The following MICU1 variants were observed in gnomAD, a reference collection of about 807,000 sequenced individuals.
MICU1 encodes calcium uptake protein 1, mitochondrial.
MICU1 carries 45 observed loss-of-function variants against 56.8 expected under a neutral mutation model. The ratio of observed to expected loss-of-function variants is 0.79; its 90% CI spans 0.62 to 1.02. MICU1 has a LOEUF of 1.02. Among genes scored for constraint, MICU1 ranks in the 50% least tolerant of loss-of-function variants. The pLI, the probability that MICU1 is intolerant of heterozygous loss-of-function variation, is 0.00. For missense variants in MICU1, 504 were observed against 587.1 expected (o/e 0.86, Z 1.46); for synonymous variants, 186 against 195.1 (o/e 0.95, Z 0.39).
intron 8 of MICU1, among the ~76,000 whole-genome samples, chr10:72,440,452 G>T (rs1205575399): frequency 3.9e-5 from 6 of 152,154 alleles, no homozygotes; most frequent in African/African-American, 1.4e-4. Context: ...AACTCTAGAA[G>T]AAAACCTAGG....
At chr10:72,478,565 G>A (rs567835529) in intron 6 of MICU1, among the ~76,000 whole-genome samples, 1 of 152,266 alleles carries the variant, frequency 6.6e-6, no homozygotes, top group South Asian at 2.1e-4. Flanking sequence ...AAAAAGTTAA[G>A]ATTTTATGCA....
At chr10:72,593,835 A>G (rs1841296678) in intron 1 of MICU1, among the ~76,000 whole-genome samples, 1 of 152,208 alleles carries the variant, frequency 6.6e-6, no homozygotes, top group African/African-American at 2.4e-5. Context: ...AACTTGTACA[A>G]TGAAAACTAC....
intron 6 of MICU1, among the ~76,000 whole-genome samples, chr10:72,503,695 T>G (rs1441138729): frequency 6.6e-6 from 1 of 152,172 alleles, no homozygotes; most frequent in Admixed American, 6.6e-5. Context: ...GACAATATGA[T>G]TCTATACCTA....
chr10:72,556,141 G>A (rs1053302586), intron 3 of MICU1, among the ~76,000 whole-genome samples: 4 of 152,116 alleles, frequency 2.6e-5, no homozygotes, highest in Admixed American at 6.6e-5. Flanking sequence ...AACCTAATCT[G>A]TAACCTAACA....
chr10:72,436,974 C>T (rs183309087), intron 8 of MICU1, among the ~76,000 whole-genome samples: 38 of 152,286 alleles, frequency 2.5e-4, no homozygotes, highest in Non-Finnish European at 4.4e-4. Flanking sequence ...AAACACTCTT[C>T]AGGATATTAT....
intron 8 of MICU1, among the ~76,000 whole-genome samples, chr10:72,442,985 G>C (rs1864988043): frequency 1.3e-5 from 2 of 152,248 alleles, no homozygotes; most frequent in South Asian, 4.1e-4. Context: ...TCGAACTACT[G>C]ACCTCAGGTG....
At chr10:72,577,509 C>CAAA (rs534974944) in intron 1 of MICU1, among the ~76,000 whole-genome samples, 1 of 85,912 alleles carries the variant, frequency 1.2e-5, no homozygotes. Context: ...AACTCCGTCT[C>CAAA]AAAAAAAAAA....
At chr10:72,550,124 T>C (rs1275782457) in intron 4 of MICU1, among the ~76,000 whole-genome samples, 5 of 152,286 alleles carry the variant, frequency 3.3e-5, no homozygotes, top group Non-Finnish European at 5.9e-5. Flanking sequence ...ACAACTATTT[T>C]ATTTTTAAAA....
At chr10:72,540,152 A>G (rs915059027) in intron 4 of MICU1, among the ~76,000 whole-genome samples, 1 of 151,826 alleles carries the variant, frequency 6.6e-6, no homozygotes, top group African/African-American at 2.4e-5. Flanking sequence ...CTGTAATCCC[A>G]GCTACTTGGG....
At chr10:72,520,017 A>G (rs901580773) in intron 5 of MICU1, among the ~76,000 whole-genome samples, 1 of 152,192 alleles carries the variant, frequency 6.6e-6, no homozygotes, top group Non-Finnish European at 1.5e-5. Flanking sequence ...ATTTTGCTAC[A>G]TTGCTGAAAT....
At chr10:72,382,332 G>T (rs1209273697) in intron 10 of MICU1, among the ~76,000 whole-genome samples, 1 of 150,450 alleles carries the variant, frequency 6.6e-6, no homozygotes, top group Non-Finnish European at 1.5e-5. Context: ...GGCTGGTCTC[G>T]AACTCCTGAC....
intron 8 of MICU1, among the ~76,000 whole-genome samples, chr10:72,448,413 A>G (rs536833255): frequency 6.6e-6 from 1 of 151,170 alleles, no homozygotes; most frequent in Non-Finnish European, 1.5e-5. Context: ...ACCTCAAGTC[A>G]TCCGCCCACC....
chr10:72,534,303 C>T (rs1440068394), intron 4 of MICU1, among the ~76,000 whole-genome samples: 1 of 151,302 alleles, frequency 6.6e-6, no homozygotes, highest in Admixed American at 6.6e-5. Context: ...CTTGGGAATA[C>T]CTAGCTTTGG....
intron 4 of MICU1, among the ~76,000 whole-genome samples, chr10:72,539,405 A>G (rs1468454690): frequency 6.6e-6 from 1 of 152,172 alleles, no homozygotes; most frequent in African/African-American, 2.4e-5. Context: ...TCTGACCACA[A>G]TGATATATAA....
intron 4 of MICU1, among the ~76,000 whole-genome samples, chr10:72,535,027 T>TTTATCTCATGTTATCTTATCTTATC (rs1564923349): frequency 7.3e-6 from 1 of 137,154 alleles, no homozygotes; most frequent in African/African-American, 3.1e-5. Context: ...TTTATTTTAT[T>TTTATCTCATGTTATCTTATCTTATC]TTATTTTATT....
At chr10:72,417,130 T>C (rs1364088108) in intron 9 of MICU1, among the ~76,000 whole-genome samples, 1 of 152,198 alleles carries the variant, frequency 6.6e-6, no homozygotes, top group Non-Finnish European at 1.5e-5. Context: ...CATATTTTTC[T>C]CTTACTAGAC....
At chr10:72,447,886 C>G (rs1865155007) in intron 8 of MICU1, among the ~76,000 whole-genome samples, 2 of 152,006 alleles carry the variant, frequency 1.3e-5, no homozygotes, top group African/African-American at 4.8e-5. Context: ...TGCATATTCT[C>G]AAATTTCTGC....
At chr10:72,573,319 A>C (rs866489088) in intron 1 of MICU1, among the ~76,000 whole-genome samples, 4 of 149,188 alleles carry the variant, frequency 2.7e-5, no homozygotes, top group Non-Finnish European at 4.5e-5. Context: ...AAAAAAAAAA[A>C]AAAAAAAAAA....
In MICU1 at chr10:72,486,001, C is replaced by T. The variant is rs183029977; in HGVS notation, c.653-8745G>A. On this transcript the variant is annotated intron_variant, in intron 6 of 11. Transcript: ENST00000361114. ...AGAAAAACCCAATAAATAAATTATG[C>T]AAAAGACCTAAAAAAAAAGTGACAA... Among the ~76,000 whole-genome samples, 4 of 150,682 alleles carry T rather than the reference C, an allele frequency of 2.7e-5. No homozygotes were observed. The East Asian group carries it at 7.8e-4, about 29-fold the overall frequency.
Sources: gnomAD v4.1 joint callset for allele counts (sites outside exome capture counted in the v4.1 genomes callset) on GRCh38, gnomAD v4.1.1 for gene constraint, MANE v1.5 for transcripts, NCBI Gene and HGNC (gene_info 2026-07-23, HGNC 2026-07-21) for gene names.